Variants in LACTB observed in about 807,000 individuals in gnomAD.
LACTB encodes serine beta-lactamase-like protein LACTB, mitochondrial.
A neutral mutation model predicts 50.2 loss-of-function variants in LACTB; 35 were observed. The ratio of observed to expected loss-of-function variants is 0.70; its 90% CI spans 0.53 to 0.92. The LOEUF (loss-of-function observed/expected upper bound fraction) is 0.92. LACTB is among the 40% of genes least tolerant of loss of function. LACTB has a pLI of 0.00. For synonymous variants in LACTB, 252 were observed against 268.2 expected, an observed-to-expected ratio of 0.94 and a Z score of 0.59; for missense variants, 664 against 691.8, an observed-to-expected ratio of 0.96 and a Z score of 0.45.
In LACTB at chr15:63,127,337, A is replaced by T. The variant is rs776419782; in HGVS notation, c.616-16A>T. The T allele has an allele frequency of 6.6e-7, 1 of 1,508,226 alleles. No individual in the cohort carries two copies. Among genetic ancestry groups the T allele is most frequent in the East Asian group, 2.3e-5 (1 of 44,006 alleles). The allele number at this position is 1,508,226 out of a possible 1,614,324, so 93.4% of individuals were successfully genotyped here. A position where few individuals can be genotyped will look rare whatever the true frequency, so the allele number is the denominator to read the frequency against. On this transcript the variant is annotated splice_polypyrimidine_tract_variant and intron_variant, in intron 3 of 5. Transcript: ENST00000261893. ...AGGTTAATATTGTAATTGAATTTTC[A>T]TGTTTTTACAATTAGGTTTCTGTCA...
At chr15:63,124,961 G>A (rs74947346) in intron 2 of LACTB, among the ~76,000 whole-genome samples, 37 of 150,790 alleles carry the variant, frequency 2.5e-4, no homozygotes, top group African/African-American at 4.4e-4. Context: ...CAAAAAAAAA[G>A]AAAAAAAAAT....
At position 63,122,177 on chromosome 15, in the gene LACTB, G is replaced by A; in HGVS notation, c.306G>A (p.Arg102=). 1 of 1,531,686 alleles carries A rather than the reference G, an allele frequency of 6.5e-7. No individual in the cohort carries two copies. The highest frequency in any genetic ancestry group is 8.7e-7 in the Non-Finnish European group (1 of 1,147,526). The allele number at this position is 1,531,686 out of a possible 1,614,324, so 94.9% of individuals were successfully genotyped here. A position where few individuals can be genotyped will look rare whatever the true frequency, so the allele number is the denominator to read the frequency against. Residue 102 remains arginine (R), a synonymous_variant, in exon 1 of 6, where the codon AGG becomes AGA. Transcript: ENST00000261893. ...SPQTPAPPCS[R]CFARAIESSR... ...AGACCCCGGCGCCGCCCTGCTCCAG[G>A]TGCTTCGCCAGAGCCATCGAGAGCA...
At position 63,131,897 on chromosome 15, in the gene LACTB, G is replaced by A. The variant is rs527291084; in HGVS notation, c.1118+2247G>A. 2.6e-5 allele frequency among the ~76,000 whole-genome samples: 4 copies of A among 151,772 alleles called. No individual in the cohort carries two copies. The East Asian group carries it at 7.7e-4, about 29-fold the overall frequency. On this transcript the variant is annotated intron_variant, in intron 5 of 5. Coordinates refer to ENST00000261893, the MANE Select transcript of LACTB (RefSeq NM_032857.5). ...AAGGTGGAGGTTGTAGTGAGCTGAG[G>A]TCGCCCCACTACACTCTAGTCTGAG...
intron 5 of LACTB, among the ~76,000 whole-genome samples, chr15:63,140,581 C>T (rs1184159666): frequency 6.6e-6 from 1 of 152,128 alleles, no homozygotes; most frequent in Non-Finnish European, 1.5e-5. Flanking sequence ...TTGCTAACTC[C>T]AGCCTTTCCC....
At chr15:63,124,824 C>G (rs914242432) in intron 2 of LACTB, among the ~76,000 whole-genome samples, 12 of 151,950 alleles carry the variant, frequency 7.9e-5, no homozygotes, top group Non-Finnish European at 1.3e-4. Context: ...CATGCTAGTG[C>G]GTGCCTGTAA....
intron 2 of LACTB, among the ~76,000 whole-genome samples, chr15:63,125,595 A>C (rs972931531): frequency 1.3e-5 from 2 of 152,200 alleles, no homozygotes; most frequent in African/African-American, 4.8e-5. Flanking sequence ...ACTTTATGCA[A>C]ATATTTTTTA....
intron 3 of LACTB, 61 bp from the exon 4 acceptor site, chr15:63,127,292 C>A: frequency 7.9e-7 from 1 of 1,265,412 alleles, no homozygotes; most frequent in Non-Finnish European, 1.1e-6. Context: ...TATTCCGAGG[C>A]AACTAACTTT....
chr15:63,141,195 C>T, intron 5 of LACTB, 85 bp from the exon 6 acceptor site: 2 of 1,465,886 alleles, frequency 1.4e-6, no homozygotes, highest in East Asian at 2.4e-5. Context: ...GAAATACAAT[C>T]TCTCTCATGT....
chr15:63,128,407 GGCAA>G (rs1419778945), intron 4 of LACTB, among the ~76,000 whole-genome samples: 1 of 152,146 alleles, frequency 6.6e-6, no homozygotes, highest in African/African-American at 2.4e-5. Flanking sequence ...GACTAGTCTG[GGCAA>G]CAAAGCAAGG....
At chr15:63,122,993 T>C (rs1207657722) in intron 2 of LACTB, among the ~76,000 whole-genome samples, 1 of 152,210 alleles carries the variant, frequency 6.6e-6, no homozygotes, top group Non-Finnish European at 1.5e-5. Flanking sequence ...CCTGGGGATA[T>C]ATTCCAAGAC....
intron 4 of LACTB, among the ~76,000 whole-genome samples, chr15:63,127,963 G>A (rs1001474714): frequency 2.0e-4 from 31 of 152,192 alleles, no homozygotes; most frequent in Non-Finnish European, 3.2e-4. Flanking sequence ...TGGAATAATA[G>A]TTCTCTAAAT....
chr15:63,135,597 G>A (rs1126311), intron 5 of LACTB, among the ~76,000 whole-genome samples: 1,554 of 152,260 alleles, frequency 0.01, 27 homozygotes, highest in African/African-American at 0.035. Flanking sequence ...GCATGCGCCT[G>A]TAGTCCCAGC....
At chr15:63,127,917 G>T (rs944990999) in intron 4 of LACTB, among the ~76,000 whole-genome samples, 1 of 152,188 alleles carries the variant, frequency 6.6e-6, no homozygotes, top group African/African-American at 2.4e-5. Flanking sequence ...AGGATTCTCA[G>T]TATCAAGATG....
chr15:63,127,420 A>G lies in LACTB; in HGVS notation c.683A>G (p.Lys228Arg). ...ATTCGTCATTATGAAAAGGACATAA[A>G]AAAGGTGAAAGAAGAGAAAGCTTAT... ...SGIRHYEKDI[K>R]KVKEEKAYKA... Residue 228 changes from lysine to arginine, a missense_variant, in exon 4 of 6, where the codon AAA (lysine) becomes AGA (arginine). Physicochemically the swap from Lys to Arg is conservative, Grantham distance 26. Transcript: ENST00000261893. 1 of 1,601,262 alleles carries G rather than the reference A, an allele frequency of 6.2e-7. No individual in the cohort carries two copies. Among genetic ancestry groups the G allele is most frequent in the East Asian group, 2.2e-5 (1 of 44,772 alleles).
chr15:63,122,564 A>G, intron 1 of LACTB, 72 bp from the exon 2 acceptor site: 2 of 1,220,946 alleles, frequency 1.6e-6, no homozygotes, highest in Non-Finnish European at 2.4e-6. Context: ...GGGGCCTTGG[A>G]AGGTCCCCGA....
chr15:63,139,626 C>T (rs570325521), intron 5 of LACTB, among the ~76,000 whole-genome samples: 1 of 151,924 alleles, frequency 6.6e-6, no homozygotes, highest in Non-Finnish European at 1.5e-5. Context: ...GCACTCCAGC[C>T]TAGGCGATAA....
At chr15:63,138,430 G>A (rs2245865) in intron 5 of LACTB, among the ~76,000 whole-genome samples, 2,785 of 152,244 alleles carry the variant, frequency 0.018, 86 homozygotes, top group African/African-American at 0.062. Context: ...GTCATCTGGC[G>A]TCATCCCATC....
intron 2 of LACTB, among the ~76,000 whole-genome samples, chr15:63,123,585 T>C (rs1331927363): frequency 6.6e-6 from 1 of 152,112 alleles, no homozygotes; most frequent in African/African-American, 2.4e-5. Flanking sequence ...TGGCCCCGAA[T>C]GTCTGGCTGC....
At chr15:63,137,779 T>C in intron 5 of LACTB, among the ~76,000 whole-genome samples, 1 of 152,214 alleles carries the variant, frequency 6.6e-6, no homozygotes. Context: ...TGGCTGTATT[T>C]TGACAGTATA....
Sources: allele counts gnomAD v4.1 joint callset (sites outside exome capture counted in the v4.1 genomes callset), GRCh38; gene constraint gnomAD v4.1.1; transcripts MANE v1.5; gene names NCBI Gene and HGNC (gene_info 2026-07-23, HGNC 2026-07-21).